Variants in STK10 observed in about 807,000 individuals in gnomAD.
The protein encoded by STK10 is serine/threonine kinase 10, also known as serine/threonine-protein kinase 10.
In STK10, 78 loss-of-function variants were observed where a neutral mutation model predicts 113.8. The ratio of observed to expected loss-of-function variants is 0.69; its 90% CI spans 0.57 to 0.83. The LOEUF (loss-of-function observed/expected upper bound fraction) is 0.83. Among genes scored for constraint, STK10 ranks in the 40% least tolerant of loss-of-function variants. The pLI is 0.00. For missense variants in STK10, 1,109 were observed against 1,280.1 expected (o/e 0.87, Z 2.04); for synonymous variants, 465 against 494.7 (o/e 0.94, Z 0.80).
chr5:172,078,244 C>T (rs1167822479), intron 12 of STK10, among the ~76,000 whole-genome samples: 1 of 152,206 alleles, frequency 6.6e-6, no homozygotes, highest in Non-Finnish European at 1.5e-5. Context: ...TCACTGGCCT[C>T]CTGCCATCGC....
In STK10 at chr5:172,187,749, G is replaced by A; in HGVS notation, c.156+138C>T. On this transcript the variant is annotated intron_variant, in intron 1 of 18. Transcript: ENST00000176763. This position sits in a 1 kb window ranked among gnomAD's most constrained non-coding sequence, Gnocchi z 4.6. ...TTCCCCCCAAAAAACAAGAGTCATC[G>A]GGATGAGGGCCAGGGACCCCGAATT... is the stretch of plus-strand genomic sequence containing the variant. The A allele has an allele frequency of 7.7e-7, 1 of 1,298,706 alleles. No homozygotes were observed. The highest frequency in any genetic ancestry group is 2.6e-5 in the East Asian group (1 of 39,174). 80.4% of individuals were successfully genotyped at this position (1,298,706 alleles called of 1,614,324 possible).
intron 2 of STK10, among the ~76,000 whole-genome samples, chr5:172,132,132 T>C (rs1053151278): frequency 6.6e-6 from 1 of 152,190 alleles, no homozygotes; most frequent in Non-Finnish European, 1.5e-5. Flanking sequence ...CAGCATAAAA[T>C]GCACTGAGAC....
At chr5:172,098,644 A>C (rs1328907393) in intron 7 of STK10, among the ~76,000 whole-genome samples, 1 of 152,138 alleles carries the variant, frequency 6.6e-6, no homozygotes, top group African/African-American at 2.4e-5. Flanking sequence ...AGAGGTCTTG[A>C]GTGGGGCGTT....
intron 12 of STK10, among the ~76,000 whole-genome samples, chr5:172,077,056 C>T (rs955907406): frequency 1.3e-4 from 20 of 152,186 alleles, no homozygotes; most frequent in African/African-American, 4.8e-4. Context: ...CCATCAGTAT[C>T]CCCCGAGGAC....
At chr5:172,141,603 A>T (rs985834923) in intron 2 of STK10, among the ~76,000 whole-genome samples, 3 of 150,006 alleles carry the variant, frequency 2.0e-5, no homozygotes, top group African/African-American at 7.4e-5. Flanking sequence ...AAAAAAATTT[A>T]AAAGAGAGAA....
chr5:172,096,492 C>G lies in STK10; in HGVS notation c.939G>C (p.Glu313Asp). 1 of 1,613,834 alleles carries G rather than the reference C, an allele frequency of 6.2e-7. No homozygotes were observed. ...LRELVAEAKA[E>D]VMEEIEDGRD... ...GGCCGTCTTCGATCTCTTCCATCAC[C>G]TCGGCCTTGGCCTCAGCCACCAGCT... The change falls in exon 8 of 19, where the codon GAG (glutamate) becomes GAC (aspartate). Residue 313 changes from glutamate (E) to aspartate (D), a missense_variant. Glu to Asp is a conservative substitution (Grantham distance 45). This residue lies in a region of STK10 where 885 missense variants were observed against 991.1 expected (regional missense o/e 0.89). Transcript: ENST00000176763.
At chr5:172,090,158 CA>C in intron 10 of STK10, 73 bp downstream of exon 10, 1 of 1,574,750 alleles carries the variant, frequency 6.4e-7, no homozygotes, top group East Asian at 2.3e-5. Context: ...GCCCTCTCAC[CA>C]AAGGACCAAT....
intron 14 of STK10, among the ~76,000 whole-genome samples, chr5:172,058,553 G>A (rs1767855562): frequency 1.3e-5 from 2 of 152,126 alleles, no homozygotes; most frequent in Admixed American, 6.6e-5. Flanking sequence ...AAGTCCACAG[G>A]CACCAAACTC....
At position 172,099,531 on chromosome 5, in the gene STK10, ACT is replaced by A. The variant is rs71915472; in HGVS notation, c.871-2973_871-2972del. Among the ~76,000 whole-genome samples, 728 of 152,186 alleles carry A rather than the reference ACT, an allele frequency of 4.8e-3. 4 individuals are homozygous for A. The highest frequency in any genetic ancestry group is 0.017 in the African/African-American group (697 of 41,518). On this transcript the variant is annotated intron_variant, in intron 7 of 18. Transcript: ENST00000176763. ...ACTTCAGCCTGGGTGACAAAGGGAG[ACT>A]CTGTCTCAAAAACAATAACAGAAAA...
chr5:172,144,981 T>TCTGGC (rs1020997182), intron 2 of STK10, among the ~76,000 whole-genome samples: 3 of 152,076 alleles, frequency 2.0e-5, no homozygotes, highest in African/African-American at 7.2e-5. Context: ...TCAGGTACTA[T>TCTGGC]CTGGCCCACA....
chr5:172,059,027 T>TC (rs2113699477), intron 14 of STK10, among the ~76,000 whole-genome samples: 1 of 149,472 alleles, frequency 6.7e-6, no homozygotes, highest in South Asian at 2.1e-4. Context: ...ATTGAGACCA[T>TC]CCTGGCTAAC....
intron 4 of STK10, among the ~76,000 whole-genome samples, chr5:172,110,765 A>G (rs1043627639): frequency 6.6e-6 from 1 of 152,148 alleles, no homozygotes; most frequent in Admixed American, 6.6e-5. Flanking sequence ...GCACAGAACC[A>G]TTGCGCAGGT....
chr5:172,185,882 A>G (rs1299164965), intron 1 of STK10, among the ~76,000 whole-genome samples: 1 of 152,234 alleles, frequency 6.6e-6, no homozygotes, highest in Non-Finnish European at 1.5e-5. Context: ...GAGGACAGCA[A>G]GTCGGGGCAG....
In STK10 at chr5:172,093,596, A is replaced by T. The variant is rs1465260108; in HGVS notation, c.1370T>A (p.Leu457Gln). The T allele has an allele frequency of 6.2e-7, 1 of 1,614,256 alleles. No individual in the cohort carries two copies. The highest frequency in any genetic ancestry group is 1.1e-5 in the South Asian group (1 of 91,088). Residue 457 changes from leucine (L) to glutamine (Q), a missense_variant, in exon 9 of 19, where the codon CTG (leucine) becomes CAG (glutamine). Physicochemically the swap from Leu to Gln is moderately radical, Grantham distance 113 (BLOSUM62 -2). Transcript: ENST00000176763. This position sits in a 1 kb window ranked among gnomAD's most constrained non-coding sequence, Gnocchi z 4.1. ...ASQSRPNSSA[L>Q]ETLGGEKLAN... The stretch of plus-strand genomic sequence containing the variant: ...CAGCTTCTCCCCACCCAAGGTCTCC[A>T]GGGCGCTGCTGTTGGGCCGGCTCTG...
intron 14 of STK10, among the ~76,000 whole-genome samples, chr5:172,060,107 A>T (rs1440167849): frequency 6.6e-6 from 1 of 152,144 alleles, no homozygotes; most frequent in Admixed American, 6.6e-5. Flanking sequence ...GTGCCTTTTT[A>T]TTAATAAAAG....
At chr5:172,056,078 T>G (rs73801811) in intron 15 of STK10, among the ~76,000 whole-genome samples, 2,636 of 152,328 alleles carry the variant, frequency 0.017, 77 homozygotes, top group African/African-American at 0.061. Context: ...GGGGATGGTT[T>G]ACCATTAGTG....
intron 1 of STK10, among the ~76,000 whole-genome samples, chr5:172,186,820 C>T (rs946385928): frequency 6.6e-6 from 1 of 152,026 alleles, no homozygotes; most frequent in Admixed American, 6.5e-5. Flanking sequence ...CATCTAGGAA[C>T]TACTTCGGTA....
chr5:172,071,212 C>CAAAAAAAAAAAAAA (rs369407918), intron 12 of STK10, among the ~76,000 whole-genome samples: 3 of 26,598 alleles, frequency 1.1e-4, no homozygotes, highest in African/African-American at 3.1e-4. Flanking sequence ...CTCTCTATCT[C>CAAAAAAAAAAAAAA]AAAAAAAAAA....
intron 7 of STK10, among the ~76,000 whole-genome samples, chr5:172,098,973 CACCATCATT>C (rs1369879199): frequency 6.6e-6 from 1 of 152,046 alleles, no homozygotes; most frequent in East Asian, 1.9e-4. Context: ...CCACCATCAC[CACCATCATT>C]ACCATCACCA....
Sources: allele counts gnomAD v4.1 joint callset (sites outside exome capture counted in the v4.1 genomes callset), GRCh38; gene constraint gnomAD v4.1.1; regional missense constraint gnomAD v4.1.1; non-coding constraint Gnocchi (gnomAD v3.1); transcripts MANE v1.5; gene names NCBI Gene and HGNC (gene_info 2026-07-23, HGNC 2026-07-21).